The following POLD4 variants were observed in gnomAD, a reference collection of about 807,000 sequenced individuals.
POLD4 encodes the protein DNA polymerase delta subunit 4.
In POLD4, 9 loss-of-function variants were observed where a neutral mutation model predicts 16.5. The ratio of observed to expected loss-of-function variants is 0.55; its 90% CI spans 0.33 to 0.95. The LOEUF (loss-of-function observed/expected upper bound fraction) is 0.95, where lower values mean the gene tolerates loss of function less well. Ranked by LOEUF, POLD4 falls within the 40% of genes least tolerant of loss-of-function variation. The pLI, the probability that POLD4 is intolerant of heterozygous loss-of-function variation, is 0.03. For synonymous variants in POLD4, 62 were observed against 57.6 expected (o/e 1.08, Z -0.35); for missense variants, 129 against 139.7 (o/e 0.92, Z 0.39).
rs1861863267 is a variant in POLD4, at chr11:67,351,303, CAGGT to C, written c.*688_*691del. On this transcript the variant is annotated 3_prime_UTR_variant, in exon 4 of 4. Coordinates refer to ENST00000312419, the MANE Select transcript of POLD4 (RefSeq NM_021173.5). This position sits in a 1 kb window ranked among gnomAD's most constrained non-coding sequence, Gnocchi z 4.8. ...TTAGCAAGGCAGGTGGCTGGCTAGT[CAGGT>C]AGGTTTTCCCTGGCTGCTCCAGAAG... The C allele has an allele frequency of 6.6e-6, 1 of 152,200 alleles. No homozygotes were observed. Among genetic ancestry groups the C allele is most frequent in the African/African-American group, 2.4e-5 (1 of 41,430 alleles). 9.4% of individuals were successfully genotyped at this position (152,200 alleles called of 1,614,324 possible).
chr11:67,353,584 C>G (rs1861928303), upstream of POLD4: 1 of 587,242 alleles, frequency 1.7e-6, no homozygotes, highest in Non-Finnish European at 3.0e-6. Flanking sequence ...CCTCCCCCAC[C>G]CCCAAAAGCA....
In POLD4 at chr11:67,351,847, T is replaced by G; in HGVS notation, c.*148A>C. 1 of 770,276 alleles carries G rather than the reference T, an allele frequency of 1.3e-6. No individual in the cohort carries two copies. The highest frequency in any genetic ancestry group is 2.1e-6 in the Non-Finnish European group (1 of 466,028). 47.7% of individuals were successfully genotyped at this position (770,276 alleles called of 1,614,324 possible). On this transcript the variant is annotated 3_prime_UTR_variant, in exon 4 of 4. Coordinates refer to ENST00000312419, the MANE Select transcript of POLD4 (RefSeq NM_021173.5). This position sits in a 1 kb window ranked among gnomAD's most constrained non-coding sequence, Gnocchi z 4.8. Reference sequence around the variant, plus strand: ...GGAGCCTGCTGGTTAGATGGAGGAGTTGAGCCTCTGACACCTCCAGGTTCT... The same window carrying G: ...GGAGCCTGCTGGTTAGATGGAGGAGGTGAGCCTCTGACACCTCCAGGTTCT...
intron 3 of POLD4, 106 bp from the exon 4 acceptor site, chr11:67,352,125 C>T: frequency 1.1e-6 from 1 of 947,806 alleles, no homozygotes; most frequent in Non-Finnish European, 1.6e-6. Context: ...TTATTCTTGG[C>T]CATGCCCATA....
rs1319026363 is a variant in POLD4 at position 67,353,532 on chromosome 11, G to C, written c.-133C>G. On this transcript the variant is annotated 5_prime_UTR_variant, in exon 1 of 4. Transcript: ENST00000312419. ...AGCGGCGGGCAGACAAGATGACCCAGACAAACCGAGAGAGGAAGTCGCCGG... is the reference window on the plus strand; with the variant it reads ...AGCGGCGGGCAGACAAGATGACCCACACAAACCGAGAGAGGAAGTCGCCGG... 5 of 720,026 alleles carry C rather than the reference G, an allele frequency of 6.9e-6. No homozygotes were observed. The African/African-American group carries it at 9.0e-5, about 13-fold the overall frequency. The allele number at this position is 720,026 out of a possible 1,614,324, so 44.6% of individuals were successfully genotyped here.
intron 1 of POLD4, 86 bp downstream of exon 1, chr11:67,353,217 C>A: frequency 6.4e-7 from 1 of 1,551,522 alleles, no homozygotes. Context: ...CCACCTTTCC[C>A]TTTCCATCGG....
chr11:67,352,229 G>T (rs983592988), intron 3 of POLD4: 4 of 530,002 alleles, frequency 7.5e-6, no homozygotes, highest in Non-Finnish European at 1.4e-5. Context: ...AGAATTATTG[G>T]CCGGGTGTGG....
rs1307678543 is a variant in POLD4 at position 67,351,756 on chromosome 11, C to T, written c.*239G>A. The T allele has an allele frequency of 2.3e-5, 12 of 513,012 alleles. No individual in the cohort carries two copies. The highest frequency in any genetic ancestry group is 4.2e-5 in the Non-Finnish European group (12 of 283,000). 31.8% of individuals were successfully genotyped at this position (513,012 alleles called of 1,614,324 possible). On this transcript the variant is annotated 3_prime_UTR_variant, in exon 4 of 4. Coordinates refer to ENST00000312419, the MANE Select transcript of POLD4 (RefSeq NM_021173.5). This position sits in a 1 kb window ranked among gnomAD's most constrained non-coding sequence, Gnocchi z 4.8. Reference sequence around the variant, plus strand: ...TGGAAGGTGATGGCCAGGTCCTTTTCCCCAGTGACCACTCTCCATCTAGAA... The same window carrying T: ...TGGAAGGTGATGGCCAGGTCCTTTTTCCCAGTGACCACTCTCCATCTAGAA...
rs1319757993 is a variant in POLD4 at position 67,353,391 on chromosome 11, C to G, written c.9G>C (p.Arg3=). 6.2e-7 allele frequency: 1 copy of G among 1,611,128 alleles called. No individual in the cohort carries two copies. Among genetic ancestry groups the G allele is most frequent in the Non-Finnish European group, 8.5e-7 (1 of 1,179,886 alleles). MG[R]KRLITDSYPV... is the part of the protein sequence containing the mutation. The stretch of plus-strand genomic sequence containing the variant: ...GGTAGGAATCAGTGATGAGCCGCTT[C>G]CGGCCCATGGCGGCCACCCAGGCAG... The change falls in exon 1 of 4, where the codon CGG becomes CGC. Residue 3 remains arginine, a synonymous_variant. Coordinates refer to ENST00000312419, the MANE Select transcript of POLD4 (RefSeq NM_021173.5).
chr11:67,352,643 T>A (rs543999718), intron 3 of POLD4, 48 bp downstream of exon 3: 1 of 1,460,232 alleles, frequency 6.8e-7, no homozygotes, highest in South Asian at 1.1e-5. Flanking sequence ...TGACAGTGCC[T>A]GGAGAAGGCC....
chr11:67,352,677 G>T lies in POLD4; in HGVS notation c.299+14C>A, dbSNP rs372399224. 1.9e-6 allele frequency: 3 copies of T among 1,606,516 alleles called. No individual in the cohort carries two copies. The highest frequency in any genetic ancestry group is 1.1e-5 in the South Asian group (1 of 90,788). ...CCCTGGCTCCCCTGAAAGCCCTCCC[G>T]GCCTGTCTCTGACCTGCACTGGAAG... On this transcript the variant is annotated intron_variant, in intron 3 of 3. Coordinates refer to ENST00000312419, the MANE Select transcript of POLD4 (RefSeq NM_021173.5).
chr11:67,351,985 A>G lies in POLD4; in HGVS notation c.*10T>C, dbSNP rs1244054357. 1 of 1,340,320 alleles carries G rather than the reference A, an allele frequency of 7.5e-7. No individual in the cohort carries two copies. The highest frequency in any genetic ancestry group is 9.9e-7 in the Non-Finnish European group (1 of 1,013,080). 83.0% of individuals were successfully genotyped at this position (1,340,320 alleles called of 1,614,324 possible). ...AAGAGAGCTAAGGGCAGGAGGTCTTACGTGGTGCCTCATAGGGGATAGAGA... is the reference window on the plus strand; with the variant it reads ...AAGAGAGCTAAGGGCAGGAGGTCTTGCGTGGTGCCTCATAGGGGATAGAGA... On this transcript the variant is annotated 3_prime_UTR_variant, in exon 4 of 4. Transcript: ENST00000312419. The surrounding 1 kb of genome is among the most constrained non-coding windows in gnomAD (Gnocchi z 4.8).
Position 67,353,406 on chromosome 11 carries a change from C to T in POLD4, c.-7G>A. The T allele has an allele frequency of 6.2e-7, 1 of 1,609,232 alleles. No individual in the cohort carries two copies. Among genetic ancestry groups the T allele is most frequent in the East Asian group, 2.2e-5 (1 of 44,848 alleles). ...TGAGCCGCTTCCGGCCCATGGCGGC[C>T]ACCCAGGCAGGCAGAGAAGGAGGCA... On this transcript the variant is annotated 5_prime_UTR_variant, in exon 1 of 4. Transcript: ENST00000312419.
chr11:67,352,535 G>A (rs941912913), intron 3 of POLD4, 156 bp downstream of exon 3: 18 of 586,084 alleles, frequency 3.1e-5, no homozygotes, highest in Non-Finnish European at 5.2e-5. Flanking sequence ...TTATAGTGGC[G>A]TGTCCTCCTG....
In POLD4 at chr11:67,352,161, A is replaced by C. The variant is rs1590905390; in HGVS notation, c.300-142T>G. ...GTCCTTGGGAAACCCCTCAGTTCTA[A>C]ATAGATAGTTCCTTGGGTCCTGGGT... On this transcript the variant is annotated intron_variant, in intron 3 of 3. Transcript: ENST00000312419. The C allele has an allele frequency of 6.0e-6, 4 of 669,358 alleles. No homozygotes were observed. The East Asian group carries it at 1.1e-4, about 18-fold the overall frequency. The allele number at this position is 669,358 out of a possible 1,614,324, so 41.5% of individuals were successfully genotyped here.
chr11:67,353,190 C>T (rs1051012672), intron 1 of POLD4, 113 bp from the exon 2 acceptor site: 5 of 1,506,026 alleles, frequency 3.3e-6, no homozygotes, highest in South Asian at 1.2e-5. Flanking sequence ...GACCTGGTGT[C>T]GGGAGGGGAG....
chr11:67,352,743 C>G lies in POLD4; in HGVS notation c.247G>C (p.Glu83Gln). The change falls in exon 3 of 4, where the codon GAG becomes CAG. Residue 83 changes from glutamate to glutamine, a missense_variant. Physicochemically the swap from Glu to Gln is conservative, Grantham distance 29. Transcript: ENST00000312419. ...AKQMGLEPPP[E>Q]VWQVLKTHPG... ...TGGGTCTTCAGCACCTGCCACACCT[C>G]TGGGGGAGGCTCCAAGCCCATCTGC... is the stretch of plus-strand genomic sequence containing the variant. The G allele has an allele frequency of 6.2e-7, 1 of 1,613,362 alleles. No homozygotes were observed.
Position 67,353,033 on chromosome 11 carries a change from G to A in POLD4, c.142C>T (p.Leu48=). 1 of 1,590,564 alleles carries A rather than the reference G, an allele frequency of 6.3e-7. No homozygotes were observed. Among genetic ancestry groups the A allele is most frequent in the Non-Finnish European group, 8.6e-7 (1 of 1,168,346 alleles). ...CAGGCCAGGTCAAACTGCCTCAGCA[G>A]CTCCAGCTCCGCTTCCTCCTCGTCG... is the stretch of plus-strand genomic sequence containing the variant. ...PRDEEEAELE[L]LRQFDLAWQY... is the part of the protein sequence containing the mutation. The change falls in exon 2 of 4, where the codon CTG becomes TTG. Residue 48 remains leucine, a synonymous_variant. Coordinates refer to ENST00000312419, the MANE Select transcript of POLD4 (RefSeq NM_021173.5).
intron 3 of POLD4, chr11:67,352,268 G>C: frequency 2.3e-6 from 1 of 442,200 alleles, no homozygotes. Flanking sequence ...CCAGCACTTT[G>C]GGAGGCTGAG....
At chr11:67,353,594 A>T, upstream of POLD4, 1 of 579,234 alleles carries the variant, frequency 1.7e-6, no homozygotes, top group Non-Finnish European at 3.0e-6. Flanking sequence ...CCCCAAAAGC[A>T]CGCAAACAGG....
Sources: gnomAD v4.1 joint callset for allele counts on GRCh38, gnomAD v4.1.1 for gene constraint, Gnocchi (gnomAD v3.1) non-coding constraint, MANE v1.5 for transcripts, NCBI Gene and HGNC (gene_info 2026-07-23, HGNC 2026-07-21) for gene names.